Variants in ELP1 observed in about 807,000 individuals in gnomAD.
The protein encoded by ELP1 is elongator complex protein 1.
Under a neutral mutation model 183.2 loss-of-function variants are expected in ELP1, and 131 were observed. That is an observed-to-expected ratio of 0.72 (90% confidence interval 0.62 to 0.83). The LOEUF (loss-of-function observed/expected upper bound fraction) is 0.83. Ranked by LOEUF, ELP1 falls within the 40% of genes least tolerant of loss-of-function variation. The pLI, the probability that ELP1 is intolerant of heterozygous loss-of-function variation, is 0.00. For synonymous variants in ELP1, 555 were observed against 569.0 expected (o/e 0.98, Z 0.35); for missense variants, 1,550 against 1,594.9 (o/e 0.97, Z 0.48).
intron 31 of ELP1, among the ~76,000 whole-genome samples, chr9:108,880,481 G>C (rs905207207): frequency 2.0e-5 from 3 of 152,028 alleles, no homozygotes; most frequent in Non-Finnish European, 2.9e-5. Flanking sequence ...CAAAAAAAGG[G>C]GGGGTAGGGG....
At position 108,900,376 on chromosome 9, in the gene ELP1, C is replaced by T. The variant is rs1473350669; in HGVS notation, c.2015-1G>A. 2 of 1,607,676 alleles carry T rather than the reference C, an allele frequency of 1.2e-6. No homozygotes were observed. Among genetic ancestry groups the T allele is most frequent in the East Asian group, 2.2e-5 (1 of 44,866 alleles). ...TTGCTGCTCAGGCCGGCCTGTAATG[C>T]TAAACACACCATTAACTAATAAGCC... On this transcript the variant is annotated splice_acceptor_variant, in intron 18 of 36. Transcript: ENST00000374647. LOFTEE classifies it high-confidence loss of function.
Position 108,912,440 on chromosome 9 carries a change from A to G in ELP1, c.1013T>C (p.Phe338Ser). ...AATCTTGCTCTTCCCACAGGTGCTG[A>G]AGGATAAACTTTGCTTGAGATACCA... ...YHWYLKQSLS[F>S]STCGKSKIVS... The change falls in exon 11 of 37, where the codon TTC (phenylalanine) becomes TCC (serine). Residue 338 changes from phenylalanine to serine, a missense_variant. By Grantham distance (155) the Phe-to-Ser change is radical. Transcript: ENST00000374647. 6.2e-7 allele frequency: 1 copy of G among 1,614,126 alleles called. No individual in the cohort carries two copies.
At chr9:108,928,241 A>T (rs1829881602) in intron 3 of ELP1, among the ~76,000 whole-genome samples, 2 of 152,238 alleles carry the variant, frequency 1.3e-5, no homozygotes, top group Non-Finnish European at 2.9e-5. Flanking sequence ...TCAGTAATGG[A>T]TATCAAGAGA....
intron 1 of ELP1, among the ~76,000 whole-genome samples, chr9:108,931,543 T>A (rs1388777233): frequency 6.6e-6 from 1 of 152,216 alleles, no homozygotes; most frequent in Non-Finnish European, 1.5e-5. Context: ...TTTTTGCATA[T>A]TAGGACATCT....
At chr9:108,909,325 A>T (rs1263597789) in intron 12 of ELP1, among the ~76,000 whole-genome samples, 1 of 152,178 alleles carries the variant, frequency 6.6e-6, no homozygotes, top group Non-Finnish European at 1.5e-5. Context: ...TTTCTAGTAC[A>T]ACAAGCCAAG....
At chr9:108,887,520 A>C (rs546063718) in intron 29 of ELP1, among the ~76,000 whole-genome samples, 1 of 152,350 alleles carries the variant, frequency 6.6e-6, no homozygotes, top group African/African-American at 2.4e-5. Context: ...TCAATTATAC[A>C]GCCTCCCTGC....
chr9:108,896,647 A>G lies in ELP1; in HGVS notation c.2588-3T>C. 1 of 1,613,834 alleles carries G rather than the reference A, an allele frequency of 6.2e-7. No homozygotes were observed. Among genetic ancestry groups the G allele is most frequent in the South Asian group, 1.1e-5 (1 of 91,084 alleles). On this transcript the variant is annotated splice_polypyrimidine_tract_variant and splice_region_variant and intron_variant, in intron 24 of 36. Transcript: ENST00000374647. ...ATCAGGATCAGAGGGAGCATTTCCT[A>G]ACAGTGTTTAGAAAACAAAACAGAA...
At chr9:108,924,874 T>C (rs1306811084) in intron 5 of ELP1, among the ~76,000 whole-genome samples, 1 of 152,234 alleles carries the variant, frequency 6.6e-6, no homozygotes, top group African/African-American at 2.4e-5. Context: ...GCTGGAGTCC[T>C]GCTCAACTTT....
At chr9:108,892,927 C>G in intron 27 of ELP1, 59 bp downstream of exon 27, 3 of 1,157,838 alleles carry the variant, frequency 2.6e-6, no homozygotes, top group Non-Finnish European at 2.6e-6. Flanking sequence ...GATCCTCACT[C>G]CTTTCCTACT....
intron 36 of ELP1, among the ~76,000 whole-genome samples, chr9:108,871,661 C>G (rs1218216777): frequency 6.6e-6 from 1 of 152,166 alleles, no homozygotes; most frequent in Non-Finnish European, 1.5e-5. Flanking sequence ...AAAGCCAAAC[C>G]TCTTTCTAAA....
At chr9:108,904,852 A>C (rs1013086734) in intron 14 of ELP1, among the ~76,000 whole-genome samples, 3 of 152,242 alleles carry the variant, frequency 2.0e-5, no homozygotes, top group Admixed American at 2.0e-4. Flanking sequence ...TAGTCCTCAA[A>C]AGCATTAATA....
At chr9:108,881,647 ATC>A (rs1827933761) in intron 31 of ELP1, 56 bp downstream of exon 31, 3 of 1,060,760 alleles carry the variant, frequency 2.8e-6, no homozygotes, top group Non-Finnish European at 3.0e-6. Context: ...AGACTCTCTC[ATC>A]TCTCTCTCCT....
intron 18 of ELP1, 29 bp downstream of exon 18, chr9:108,901,396 C>G (rs1411399328): frequency 1.4e-6 from 2 of 1,450,776 alleles, no homozygotes; most frequent in Non-Finnish European, 1.9e-6. Context: ...GAGAAGGGAC[C>G]ATTTCTGTTT....
chr9:108,872,576 G>A (rs1827499535), intron 36 of ELP1, among the ~76,000 whole-genome samples: 4 of 151,716 alleles, frequency 2.6e-5, no homozygotes, highest in South Asian at 4.2e-4. Flanking sequence ...AGGCCGAGGC[G>A]GGTGGATCAC....
intron 33 of ELP1, 40 bp downstream of exon 33, chr9:108,879,406 C>T: frequency 2.7e-6 from 4 of 1,466,500 alleles, no homozygotes; most frequent in Non-Finnish European, 3.8e-6. Context: ...CCCTATATGC[C>T]CAGGATATAG....
Position 108,903,824 on chromosome 9 carries a change from TACACAC to T in ELP1, c.1644-161_1644-156del, listed in dbSNP as rs3835305. 0.029 allele frequency among the ~76,000 whole-genome samples: 4,383 copies of T among 150,660 alleles called. 157 individuals carry two copies. Among genetic ancestry groups the T allele is most frequent in the African/African-American group, 0.085 (3,498 of 40,972 alleles). ...ATACATATATACACACCCAATACTA[TACACAC>T]ACACACACACACACACACACACTTA... On this transcript the variant is annotated intron_variant, in intron 14 of 36. Transcript: ENST00000374647.
intron 35 of ELP1, among the ~76,000 whole-genome samples, chr9:108,876,427 C>T (rs1827708101): frequency 6.6e-6 from 1 of 152,236 alleles, no homozygotes; most frequent in Non-Finnish European, 1.5e-5. Context: ...CTTTTACACA[C>T]ACCCTCTTAT....
intron 25 of ELP1, among the ~76,000 whole-genome samples, chr9:108,895,678 A>G (rs1828516667): frequency 6.6e-6 from 1 of 152,168 alleles, no homozygotes; most frequent in South Asian, 2.1e-4. Context: ...AAGCAGAGAG[A>G]TGAAGGATCC....
chr9:108,900,439 T>C, intron 18 of ELP1, 64 bp from the exon 19 acceptor site: 2 of 1,097,000 alleles, frequency 1.8e-6, no homozygotes, highest in African/African-American at 1.5e-5. Context: ...TTAACTGCAA[T>C]TGAAACCGCA....
Sources: allele counts gnomAD v4.1 joint callset (sites outside exome capture counted in the v4.1 genomes callset), GRCh38; gene constraint gnomAD v4.1.1; transcripts MANE v1.5; gene names NCBI Gene and HGNC (gene_info 2026-07-23, HGNC 2026-07-21).